Variants in RANBP10 observed in about 807,000 individuals in gnomAD.
RANBP10 encodes the protein RAN binding protein 10.
A neutral mutation model predicts 72.8 loss-of-function variants in RANBP10; 24 were observed. The ratio of observed to expected loss-of-function variants is 0.33; its 90% CI spans 0.24 to 0.46. The LOEUF (loss-of-function observed/expected upper bound fraction) is 0.46. RANBP10 is among the 20% of genes least tolerant of loss of function. RANBP10 has a pLI of 1.00. For synonymous variants in RANBP10, 310 were observed against 322.3 expected (o/e 0.96, Z 0.41); for missense variants, 679 against 817.5 (o/e 0.83, Z 2.07).
At chr16:67,754,172 A>C (rs569931418) in intron 3 of RANBP10, among the ~76,000 whole-genome samples, 7 of 151,602 alleles carry the variant, frequency 4.6e-5, no homozygotes, top group African/African-American at 1.2e-4. Flanking sequence ...GATGGGTGGA[A>C]GGAACAGGCC....
At chr16:67,783,228 C>T (rs773484727) in intron 2 of RANBP10, among the ~76,000 whole-genome samples, 1 of 152,186 alleles carries the variant, frequency 6.6e-6, no homozygotes, top group Admixed American at 6.5e-5. Flanking sequence ...CTCCAACTGA[C>T]TAGAGTTTCT....
intron 3 of RANBP10, among the ~76,000 whole-genome samples, chr16:67,745,933 G>A (rs541586000): frequency 6.6e-6 from 1 of 152,030 alleles, no homozygotes; most frequent in Admixed American, 6.5e-5. Flanking sequence ...GCAGTGGGTG[G>A]ATCAACTGAG....
At chr16:67,771,980 A>G in intron 3 of RANBP10, 54 bp downstream of exon 3, 1 of 1,580,726 alleles carries the variant, frequency 6.3e-7, no homozygotes, top group Non-Finnish European at 8.6e-7. Context: ...CATGACTCTC[A>G]ACCCCAATTG....
intron 3 of RANBP10, 124 bp from the exon 4 acceptor site, chr16:67,744,579 G>A (rs2054032947): frequency 9.5e-7 from 1 of 1,053,134 alleles, no homozygotes; most frequent in African/African-American, 1.6e-5. Context: ...AGCACTCTTG[G>A]CTTCTAGCAG....
At chr16:67,742,406 C>A (rs2053986711) in intron 4 of RANBP10, among the ~76,000 whole-genome samples, 1 of 152,112 alleles carries the variant, frequency 6.6e-6, no homozygotes, top group Non-Finnish European at 1.5e-5. Flanking sequence ...AGTAAGAACA[C>A]AGAAGGTGTT....
chr16:67,770,291 T>C lies in RANBP10; in HGVS notation c.400+1743A>G, dbSNP rs191743160. Among the ~76,000 whole-genome samples the C allele has an allele frequency of 3.3e-3, 504 of 151,978 alleles. 2 individuals carry two copies. The highest frequency in any genetic ancestry group is 6.2e-3 in the Admixed American group (95 of 15,230). ...TATAACAAAGAACACAGCCACACAG[T>C]ATGCAAAGAAAACTGCCACACACGT... On this transcript the variant is annotated intron_variant, in intron 3 of 13. Coordinates refer to ENST00000317506, the MANE Select transcript of RANBP10 (RefSeq NM_020850.3).
intron 3 of RANBP10, among the ~76,000 whole-genome samples, chr16:67,752,503 T>C (rs1269219144): frequency 1.3e-5 from 2 of 152,202 alleles, no homozygotes; most frequent in African/African-American, 4.8e-5. Flanking sequence ...GCCAACATTG[T>C]TACAGTAGCA....
At chr16:67,747,831 T>TA (rs1370188659) in intron 3 of RANBP10, among the ~76,000 whole-genome samples, 2 of 148,782 alleles carry the variant, frequency 1.3e-5, no homozygotes, top group East Asian at 3.9e-4. Context: ...TTTTTTTTTT[T>TA]TTTTTTTAAG....
At chr16:67,792,561 CAAA>C (rs527254214) in intron 2 of RANBP10, among the ~76,000 whole-genome samples, 1 of 116,490 alleles carries the variant, frequency 8.6e-6, no homozygotes, top group Non-Finnish European at 1.8e-5. Flanking sequence ...GACTCCATCT[CAAA>C]AAAAAAAAAA....
intron 2 of RANBP10, among the ~76,000 whole-genome samples, chr16:67,788,775 C>A (rs2054968532): frequency 6.6e-6 from 1 of 151,432 alleles, no homozygotes; most frequent in Non-Finnish European, 1.5e-5. Flanking sequence ...CCGAGACGGG[C>A]AGATCTCTTG....
chr16:67,764,575 A>G (rs1211506829), intron 3 of RANBP10, among the ~76,000 whole-genome samples: 1 of 152,232 alleles, frequency 6.6e-6, no homozygotes, highest in Non-Finnish European at 1.5e-5. Flanking sequence ...CTAATAATCT[A>G]CTGTGAAGAC....
At chr16:67,776,086 A>T (rs1465472447) in intron 2 of RANBP10, among the ~76,000 whole-genome samples, 2 of 150,972 alleles carry the variant, frequency 1.3e-5, no homozygotes, top group Non-Finnish European at 3.0e-5. Context: ...CGGAGCTTGC[A>T]GTGAGCCGAG....
At chr16:67,750,036 T>C (rs1209948439) in intron 3 of RANBP10, among the ~76,000 whole-genome samples, 2 of 152,134 alleles carry the variant, frequency 1.3e-5, no homozygotes, top group African/African-American at 4.8e-5. Flanking sequence ...CTGACAACAA[T>C]GTGGCAACCT....
chr16:67,781,475 G>A (rs2054808524), intron 2 of RANBP10, among the ~76,000 whole-genome samples: 1 of 152,090 alleles, frequency 6.6e-6, no homozygotes, highest in African/African-American at 2.4e-5. Context: ...TCTCTACCAG[G>A]GCCTTCTTTT....
At chr16:67,785,731 C>CAAAAAAAAAAAAAAA (rs61683439) in intron 2 of RANBP10, among the ~76,000 whole-genome samples, 5 of 71,746 alleles carry the variant, frequency 7.0e-5, no homozygotes, top group African/African-American at 3.4e-4. Context: ...GACTCCATCT[C>CAAAAAAAAAAAAAAA]AAAAAAAAAA....
chr16:67,803,650 CAAAAAAA>C (rs1184321273), intron 2 of RANBP10, among the ~76,000 whole-genome samples: 15 of 47,094 alleles, frequency 3.2e-4, no homozygotes, highest in East Asian at 1.3e-3. Flanking sequence ...AACTCCGTCT[CAAAAAAA>C]AAAAAAAAAA....
intron 2 of RANBP10, among the ~76,000 whole-genome samples, chr16:67,774,871 G>C (rs576560530): frequency 6.6e-6 from 1 of 152,264 alleles, no homozygotes; most frequent in Non-Finnish European, 1.5e-5. Flanking sequence ...ACCAATCTGA[G>C]AGAAACAAAG....
At chr16:67,748,872 A>AG (rs2054142040) in intron 3 of RANBP10, among the ~76,000 whole-genome samples, 1 of 151,972 alleles carries the variant, frequency 6.6e-6, no homozygotes, top group South Asian at 2.1e-4. Context: ...CTCCCCAGGC[A>AG]CCCCTCCAGG....
chr16:67,737,089 G>C (rs1486710870), intron 5 of RANBP10, among the ~76,000 whole-genome samples: 2 of 150,632 alleles, frequency 1.3e-5, no homozygotes, highest in African/African-American at 4.9e-5. Context: ...GGTGCGGGAT[G>C]GCTGGAGGTG....
Sources: allele counts gnomAD v4.1 joint callset (sites outside exome capture counted in the v4.1 genomes callset), GRCh38; gene constraint gnomAD v4.1.1; transcripts MANE v1.5; gene names NCBI Gene and HGNC (gene_info 2026-07-23, HGNC 2026-07-21).